Variants in LRRTM4 observed in about 807,000 individuals in gnomAD.
The protein encoded by LRRTM4 is leucine-rich repeat transmembrane neuronal protein 4.
In LRRTM4, 25 loss-of-function variants were observed where a neutral mutation model predicts 47.6. The observed-to-expected ratio is 0.53, with a 90% CI of 0.38 to 0.73. The LOEUF is 0.73. Among genes scored for constraint, LRRTM4 ranks in the 30% least tolerant of loss-of-function variants. LRRTM4 has a pLI of 0.00. For synonymous variants in LRRTM4, 311 were observed against 269.5 expected (o/e 1.15, Z -1.51); for missense variants, 638 against 713.4 (o/e 0.89, Z 1.20).
intron 3 of LRRTM4, among the ~76,000 whole-genome samples, chr2:77,060,875 A>G (rs1679763876): frequency 6.6e-6 from 1 of 152,176 alleles, no homozygotes; most frequent in African/African-American, 2.4e-5. Context: ...TGTCACATAA[A>G]TGTTTATGAC....
intron 3 of LRRTM4, among the ~76,000 whole-genome samples, chr2:77,244,457 C>A (rs192266896): frequency 4.9e-4 from 74 of 152,078 alleles, no homozygotes; most frequent in Non-Finnish European, 9.6e-4. Flanking sequence ...CATTAACAGG[C>A]ATTTATACCT....
At chr2:76,795,553 ATGCATATATACATG>A (rs1313840385) in intron 3 of LRRTM4, among the ~76,000 whole-genome samples, 2 of 151,016 alleles carry the variant, frequency 1.3e-5, no homozygotes, top group Admixed American at 6.6e-5. Context: ...ATACATGTAT[ATGCATATATACATG>A]TGCATATATA....
At chr2:76,976,434 CATG>C (rs1177509322) in intron 3 of LRRTM4, among the ~76,000 whole-genome samples, 2 of 151,584 alleles carry the variant, frequency 1.3e-5, no homozygotes, top group Non-Finnish European at 3.0e-5. Flanking sequence ...ACCAAAACCA[CATG>C]AATAATAATA....
intron 3 of LRRTM4, among the ~76,000 whole-genome samples, chr2:77,205,696 C>A (rs138461700): frequency 6.6e-6 from 1 of 152,114 alleles, no homozygotes; most frequent in East Asian, 1.9e-4. Flanking sequence ...TAATGGAAAT[C>A]CACGAAGTTT....
chr2:76,943,806 A>G (rs1403652101), intron 3 of LRRTM4, among the ~76,000 whole-genome samples: 2 of 152,222 alleles, frequency 1.3e-5, no homozygotes, highest in African/African-American at 4.8e-5. Flanking sequence ...AGCCATAAAT[A>G]TAAGCATCAG....
chr2:77,051,977 C>T (rs1227040805), intron 3 of LRRTM4, among the ~76,000 whole-genome samples: 1 of 151,608 alleles, frequency 6.6e-6, no homozygotes, highest in Non-Finnish European at 1.5e-5. Context: ...CCTTGAGATC[C>T]AGCAGTAATT....
At chr2:77,110,639 C>T (rs1185524447) in intron 3 of LRRTM4, among the ~76,000 whole-genome samples, 1 of 151,896 alleles carries the variant, frequency 6.6e-6, no homozygotes, top group Non-Finnish European at 1.5e-5. Context: ...TATGTCTGAC[C>T]CTTAACAAGA....
chr2:77,447,560 C>G (rs1296811591), intron 3 of LRRTM4, among the ~76,000 whole-genome samples: 1 of 152,142 alleles, frequency 6.6e-6, no homozygotes, highest in Non-Finnish European at 1.5e-5. Flanking sequence ...TAATAACTCA[C>G]AAGCTTCAAC....
intron 3 of LRRTM4, among the ~76,000 whole-genome samples, chr2:76,779,958 T>G (rs891863008): frequency 3.9e-5 from 6 of 152,166 alleles, no homozygotes; most frequent in South Asian, 2.1e-4. Context: ...GCAGGCCTGG[T>G]GGTGACAAAA....
chr2:77,242,657 CA>C (rs1225684596), intron 3 of LRRTM4, among the ~76,000 whole-genome samples: 1 of 150,096 alleles, frequency 6.7e-6, no homozygotes, highest in Non-Finnish European at 1.5e-5. Flanking sequence ...AAAAACAAAC[CA>C]AAACAAAATA....
intron 3 of LRRTM4, chr2:76,989,886 A>G (rs907478947): frequency 4.6e-5 from 7 of 151,980 alleles, no homozygotes; most frequent in Admixed American, 1.3e-4. Context: ...GAAATGATAG[A>G]AGCTAATTGT....
At chr2:77,263,855 C>A (rs1178267026) in intron 3 of LRRTM4, among the ~76,000 whole-genome samples, 1 of 151,896 alleles carries the variant, frequency 6.6e-6, no homozygotes, top group African/African-American at 2.4e-5. Flanking sequence ...TTCACATGGT[C>A]CAACAATTCA....
In LRRTM4 at chr2:77,451,523, G is replaced by T. The variant is rs182032419; in HGVS notation, c.1551+66795C>A. ...GGATGTGTGGAAAACACTTCTGTGT[G>T]CTTGCTCATTCTTTTATTATTAATT... is the stretch of plus-strand genomic sequence containing the variant. On this transcript the variant is annotated intron_variant, in intron 3 of 3. Coordinates refer to ENST00000409884, the MANE Select transcript of LRRTM4 (RefSeq NM_001134745.3). 1.4e-3 allele frequency among the ~76,000 whole-genome samples: 217 copies of T among 152,264 alleles called. 3 individuals carry two copies. The highest frequency in any genetic ancestry group is 2.1e-3 in the East Asian group (11 of 5,176).
chr2:77,492,108 A>C (rs769938143), intron 3 of LRRTM4, among the ~76,000 whole-genome samples: 3 of 152,280 alleles, frequency 2.0e-5, no homozygotes, highest in South Asian at 4.1e-4. Context: ...CCCTTAAATC[A>C]AAAGAAAGTG....
intron 3 of LRRTM4, among the ~76,000 whole-genome samples, chr2:77,045,085 G>A (rs1180244235): frequency 6.6e-6 from 1 of 151,660 alleles, no homozygotes; most frequent in Non-Finnish European, 1.5e-5. Context: ...GAGGTAATAT[G>A]GTATTTTTAG....
intron 3 of LRRTM4, among the ~76,000 whole-genome samples, chr2:76,994,220 A>G (rs1245698812): frequency 1.3e-5 from 2 of 151,988 alleles, no homozygotes; most frequent in African/African-American, 4.8e-5. Flanking sequence ...ATCATACAAT[A>G]TACACACGTA....
chr2:77,329,804 T>C (rs751365954), intron 3 of LRRTM4, among the ~76,000 whole-genome samples: 1 of 152,086 alleles, frequency 6.6e-6, no homozygotes, highest in Non-Finnish European at 1.5e-5. Flanking sequence ...GGATAACTTA[T>C]AGAGGGGGCA....
chr2:77,490,051 A>G (rs13414924), intron 3 of LRRTM4, among the ~76,000 whole-genome samples: 6,481 of 152,244 alleles, frequency 0.043, 470 homozygotes, highest in African/African-American at 0.15. Context: ...GAAGTTTGAG[A>G]CAAGCCTGGC....
chr2:77,308,598 C>G (rs1677356585), intron 3 of LRRTM4, among the ~76,000 whole-genome samples: 1 of 151,998 alleles, frequency 6.6e-6, no homozygotes, highest in African/African-American at 2.4e-5. Flanking sequence ...GATAATGTCT[C>G]TTAATCCACA....
Sources: gnomAD v4.1 joint callset for allele counts (sites outside exome capture counted in the v4.1 genomes callset) on GRCh38, gnomAD v4.1.1 for gene constraint, MANE v1.5 for transcripts, NCBI Gene and HGNC (gene_info 2026-07-23, HGNC 2026-07-21) for gene names.